NHSL1: variants seen among roughly 807,000 people sequenced by gnomAD.
NHSL1 encodes NHS like 1, also known as NHS-like protein 1.
NHSL1 carries 48 observed loss-of-function variants against 95.0 expected under a neutral mutation model. That is an observed-to-expected ratio of 0.51 (90% CI 0.40 to 0.64). The LOEUF (loss-of-function observed/expected upper bound fraction) is 0.64, where lower values mean the gene tolerates loss of function less well. Among genes scored for constraint, NHSL1 ranks in the 30% least tolerant of loss-of-function variants. The pLI, the probability that NHSL1 is intolerant of heterozygous loss-of-function variation, is 0.00. For missense variants in NHSL1, 1,971 were observed against 2,077.7 expected (o/e 0.95, Z 1.00); for synonymous variants, 783 against 833.9 (o/e 0.94, Z 1.05).
At chr6:138,646,197 A>G (rs1047285063) in intron 1 of NHSL1, among the ~76,000 whole-genome samples, 6 of 152,218 alleles carry the variant, frequency 3.9e-5, no homozygotes, top group African/African-American at 1.4e-4. Flanking sequence ...CATACCACAC[A>G]AATCCCTTGT....
upstream of NHSL1, among the ~76,000 whole-genome samples, chr6:138,502,138 C>G (rs1780716791): frequency 6.6e-6 from 1 of 152,106 alleles, no homozygotes; most frequent in Non-Finnish European, 1.5e-5. Flanking sequence ...GTGCATTATT[C>G]CACACTGCCA....
intron 5 of NHSL1, among the ~76,000 whole-genome samples, chr6:138,437,122 A>C (rs1384010844): frequency 6.6e-6 from 1 of 151,712 alleles, no homozygotes; most frequent in Non-Finnish European, 1.5e-5. Context: ...AAATACAAAA[A>C]AATTAGCCAG....
Position 138,565,862 on chromosome 6 carries a change from G to A in NHSL1, c.202+5848C>T, listed in dbSNP as rs912156028. On this transcript the variant is annotated intron_variant, in intron 1 of 6. Coordinates refer to the NHSL1 transcript ENST00000427025. ...GGAGGCTGAGCGGGGAGGATCCCTT[G>A]AGCCTGGGAGTTCAAGGTTACAGGG... Among the ~76,000 whole-genome samples the A allele has an allele frequency of 1.3e-5, 2 of 151,784 alleles. 1 individual carries two copies. Among genetic ancestry groups the A allele is most frequent in the Non-Finnish European group, 2.9e-5 (2 of 67,962 alleles).
At chr6:138,635,477 G>T (rs139190472) in intron 1 of NHSL1, among the ~76,000 whole-genome samples, 69 of 152,174 alleles carry the variant, frequency 4.5e-4, no homozygotes, top group African/African-American at 1.5e-3. Flanking sequence ...TACCAAGATT[G>T]AACCATGAAG....
At chr6:138,497,200 C>A (rs74681534) in intron 1 of NHSL1, among the ~76,000 whole-genome samples, 1 of 152,130 alleles carries the variant, frequency 6.6e-6, no homozygotes, top group Non-Finnish European at 1.5e-5. Context: ...CCTGACAACA[C>A]GAGCTAAGTT....
intron 1 of NHSL1, among the ~76,000 whole-genome samples, chr6:138,551,522 AACACATTTT>A (rs1783002418): frequency 6.6e-6 from 1 of 152,144 alleles, no homozygotes; most frequent in East Asian, 1.9e-4. Context: ...GACCATGACT[AACACATTTT>A]ACCCAAGTTT....
At position 138,433,144 on chromosome 6, in the gene NHSL1, C is replaced by T. The variant is rs1186915468; in HGVS notation, c.1201G>A (p.Val401Met). Residue 401 changes from valine (V) to methionine (M), a missense_variant, in exon 6 of 8, where the codon GTG becomes ATG. Val to Met is a conservative substitution (Grantham distance 21, BLOSUM62 1). Transcript: ENST00000343505. Reference protein sequence around the residue: ...ESENIMSPACVVSPHATYSTS... With the variant: ...ESENIMSPACMVSPHATYSTS... ...GAGTAGGTTGCATGAGGAGAAACCA[C>T]ACACGCTGGGCTCATTATATTTTCA... 1.3e-6 allele frequency: 2 copies of T among 1,551,182 alleles called. No homozygotes were observed. The highest frequency in any genetic ancestry group is 1.7e-6 in the Non-Finnish European group (2 of 1,146,922).
At chr6:138,545,130 A>G (rs1463941084) in intron 1 of NHSL1, among the ~76,000 whole-genome samples, 2 of 151,518 alleles carry the variant, frequency 1.3e-5, no homozygotes, top group African/African-American at 2.4e-5. Flanking sequence ...CGCTGGGATT[A>G]CAGGCACCCG....
intron 1 of NHSL1, among the ~76,000 whole-genome samples, chr6:138,584,596 G>C (rs1583434462): frequency 6.6e-6 from 1 of 152,170 alleles, no homozygotes; most frequent in East Asian, 1.9e-4. Flanking sequence ...GAAATGTAGA[G>C]AACAAAAGGC....
upstream of NHSL1, among the ~76,000 whole-genome samples, chr6:138,550,281 T>C (rs183942383): frequency 2.0e-5 from 3 of 152,288 alleles, no homozygotes; most frequent in East Asian, 5.8e-4. Context: ...CCCTTGTGTT[T>C]ACAACTGTAT....
intron 1 of NHSL1, among the ~76,000 whole-genome samples, chr6:138,535,096 A>G (rs1319951713): frequency 6.6e-6 from 1 of 152,132 alleles, no homozygotes; most frequent in Non-Finnish European, 1.5e-5. Flanking sequence ...TAAAAGATCT[A>G]CTCTGGCTAC....
At position 138,692,044 on chromosome 6, in the gene NHSL1, C is replaced by A. The variant is rs1235735186; in HGVS notation, c.96+432G>T. On this transcript the variant is annotated intron_variant, in intron 1 of 3. Transcript: ENST00000491526. The surrounding 1 kb of genome is among the most constrained non-coding windows in gnomAD (Gnocchi z 4.0). ...CCCAGGGTTTTACAAACGGATCGTC[C>A]TGAAGTCTCCAAAACTGTAACTACT... 1 of 456,602 alleles carries A rather than the reference C, an allele frequency of 2.2e-6. No homozygotes were observed. Among genetic ancestry groups the A allele is most frequent in the African/African-American group, 2.0e-5 (1 of 50,076 alleles). The allele number at this position is 456,602 out of a possible 1,614,324, so 28.3% of individuals were successfully genotyped here.
upstream of NHSL1, among the ~76,000 whole-genome samples, chr6:138,548,090 C>T (rs904320519): frequency 3.3e-5 from 5 of 151,814 alleles, no homozygotes; most frequent in East Asian, 2.0e-4. Flanking sequence ...TCAAGCAATT[C>T]GCTGCCTCAG....
intron 1 of NHSL1, among the ~76,000 whole-genome samples, chr6:138,677,763 G>A (rs576824987): frequency 3.3e-5 from 5 of 152,278 alleles, no homozygotes; most frequent in East Asian, 1.9e-4. Context: ...AAACTGCTGC[G>A]TGTGTTAGAA....
intron 1 of NHSL1, among the ~76,000 whole-genome samples, chr6:138,519,077 C>T (rs74619277): frequency 0.054 from 8,225 of 151,814 alleles, 229 homozygotes; most frequent in African/African-American, 0.075. Context: ...TAATAAAATG[C>T]CACTTTAGAA....
intron 5 of NHSL1, among the ~76,000 whole-genome samples, chr6:138,434,836 G>A: frequency 6.6e-6 from 1 of 152,134 alleles, no homozygotes; most frequent in East Asian, 1.9e-4. Flanking sequence ...ACTGGATATA[G>A]GATGCCTTTT....
At chr6:138,466,125 C>G (rs1035574744) in intron 3 of NHSL1, among the ~76,000 whole-genome samples, 36 of 147,552 alleles carry the variant, frequency 2.4e-4, no homozygotes, top group Non-Finnish European at 5.1e-4. Context: ...CTGCAAGCTC[C>G]GCCTCCCGGG....
chr6:138,667,243 G>A (rs1785306978), intron 1 of NHSL1, among the ~76,000 whole-genome samples: 1 of 152,180 alleles, frequency 6.6e-6, no homozygotes, highest in Non-Finnish European at 1.5e-5. Flanking sequence ...AATGTAGAAA[G>A]AGGCAAGAGG....
intron 3 of NHSL1, among the ~76,000 whole-genome samples, chr6:138,454,805 CAAAGCT>C (rs1777475418): frequency 6.6e-6 from 1 of 152,246 alleles, no homozygotes; most frequent in South Asian, 2.1e-4. Context: ...TGGGCATAAT[CAAAGCT>C]ACTTTGCATG....
Sources: allele counts gnomAD v4.1 joint callset (sites outside exome capture counted in the v4.1 genomes callset), GRCh38; gene constraint gnomAD v4.1.1; non-coding constraint Gnocchi (gnomAD v3.1); transcripts MANE v1.5; gene names NCBI Gene and HGNC (gene_info 2026-07-23, HGNC 2026-07-21).